PCDHA13: variants seen among roughly 807,000 people sequenced by gnomAD.
The protein encoded by PCDHA13 is protocadherin alpha 13.
Under a neutral mutation model 64.8 loss-of-function variants are expected in PCDHA13, and 54 were observed. The observed-to-expected ratio is 0.83, with a 90% CI of 0.67 to 1.04. The LOEUF is 1.04. Ranked by LOEUF, PCDHA13 falls within the 50% of genes least tolerant of loss-of-function variation. The pLI is 0.00. For synonymous variants in PCDHA13, 587 were observed against 564.4 expected, an observed-to-expected ratio of 1.04 and a Z score of -0.57; for missense variants, 1,248 against 1,254.3, an observed-to-expected ratio of 0.99 and a Z score of 0.08.
chr5:140,962,825 G>A (rs962485906), intron 1 of PCDHA13, among the ~76,000 whole-genome samples: 1 of 152,194 alleles, frequency 6.6e-6, no homozygotes, highest in Non-Finnish European at 1.5e-5. Flanking sequence ...ATGACCATTT[G>A]TCTCTTTTTT....
chr5:140,882,150 C>T lies in PCDHA13; in HGVS notation c.-119C>T. 2 of 1,501,768 alleles carry T rather than the reference C, an allele frequency of 1.3e-6. No individual in the cohort carries two copies. The highest frequency in any genetic ancestry group is 1.8e-6 in the Non-Finnish European group (2 of 1,123,674). The allele number at this position is 1,501,768 out of a possible 1,614,324, so 93.0% of individuals were successfully genotyped here. A position where few individuals can be genotyped will look rare whatever the true frequency, so the allele number is the denominator to read the frequency against. On this transcript the variant is annotated 5_prime_UTR_variant, in exon 1 of 4. Coordinates refer to ENST00000289272, the MANE Select transcript of PCDHA13 (RefSeq NM_018904.3). ...TTCCTGCAGAAAATATAGCAGAAAG[C>T]GGAATACCTCTTGCGAATCCTTCCG...
intron 1 of PCDHA13, among the ~76,000 whole-genome samples, chr5:140,946,209 T>C (rs2153672553): frequency 6.6e-6 from 1 of 152,022 alleles, no homozygotes; most frequent in East Asian, 1.9e-4. Flanking sequence ...AGCACACAAA[T>C]GACCAACAGG....
At chr5:140,894,457 T>C (rs2153447013) in intron 1 of PCDHA13, among the ~76,000 whole-genome samples, 1 of 152,166 alleles carries the variant, frequency 6.6e-6, no homozygotes, top group African/African-American at 2.4e-5. Flanking sequence ...AAAAAATATT[T>C]TACTTTTTAT....
intron 1 of PCDHA13, among the ~76,000 whole-genome samples, chr5:140,935,338 T>C (rs2090317634): frequency 1.3e-5 from 2 of 152,364 alleles, no homozygotes; most frequent in African/African-American, 4.8e-5. Context: ...ATTTCTCCCA[T>C]ACGTCAAATC....
intron 2 of PCDHA13, among the ~76,000 whole-genome samples, chr5:140,981,637 C>A (rs1229068909): frequency 6.6e-6 from 1 of 152,150 alleles, no homozygotes; most frequent in Non-Finnish European, 1.5e-5. Context: ...TGGACATTTT[C>A]TCTTAGGATC....
intron 1 of PCDHA13, among the ~76,000 whole-genome samples, chr5:140,961,023 A>G (rs1216128174): frequency 6.6e-6 from 1 of 152,146 alleles, no homozygotes. Flanking sequence ...GACACTTGCT[A>G]CCTCCTTGTT....
intron 1 of PCDHA13, among the ~76,000 whole-genome samples, chr5:140,909,491 A>T (rs1031839388): frequency 1.3e-5 from 2 of 152,218 alleles, no homozygotes; most frequent in Non-Finnish European, 2.9e-5. Flanking sequence ...GGAGAGCTGA[A>T]CGGGGATGTG....
intron 1 of PCDHA13, among the ~76,000 whole-genome samples, chr5:140,896,022 G>A (rs940712653): frequency 6.6e-6 from 1 of 152,136 alleles, no homozygotes; most frequent in East Asian, 1.9e-4. Context: ...TGTTGGCCAG[G>A]CTGGTCTCGA....
At chr5:140,918,428 T>C (rs2078691655) in intron 1 of PCDHA13, among the ~76,000 whole-genome samples, 1 of 152,194 alleles carries the variant, frequency 6.6e-6, no homozygotes, top group African/African-American at 2.4e-5. Context: ...AGTAGGATGT[T>C]GAATAGGAGT....
chr5:140,899,268 C>T (rs2067238736), intron 1 of PCDHA13, among the ~76,000 whole-genome samples: 1 of 152,078 alleles, frequency 6.6e-6, no homozygotes, highest in Non-Finnish European at 1.5e-5. Context: ...TGTCTTGTGG[C>T]AGTTTTCAAA....
At chr5:140,906,253 A>ACCTC (rs1329710908) in intron 1 of PCDHA13, among the ~76,000 whole-genome samples, 2 of 152,064 alleles carry the variant, frequency 1.3e-5, no homozygotes, top group African/African-American at 4.8e-5. Flanking sequence ...ACCCATACAC[A>ACCTC]CCTCCTGAAA....
rs183247098 is a variant in PCDHA13 at position 140,949,419 on chromosome 5, T to G, written c.2395-29530T>G. On this transcript the variant is annotated intron_variant, in intron 1 of 3. Coordinates refer to ENST00000289272, the MANE Select transcript of PCDHA13 (RefSeq NM_018904.3). ...TGTTAAAAATCACCTATCATCATTGTGTTTATCTCTTTGTGCCCATTTTTG... is the reference window on the plus strand; with the variant it reads ...TGTTAAAAATCACCTATCATCATTGGGTTTATCTCTTTGTGCCCATTTTTG... Among the ~76,000 whole-genome samples the G allele has an allele frequency of 2.5e-3, 382 of 151,992 alleles. 3 individuals are homozygous for G. The highest frequency in any genetic ancestry group is 0.018 in the South Asian group (86 of 4,828).
intron 1 of PCDHA13, among the ~76,000 whole-genome samples, chr5:140,964,670 G>A (rs2095847592): frequency 6.6e-6 from 1 of 151,912 alleles, no homozygotes; most frequent in Non-Finnish European, 1.5e-5. Context: ...CACAGGCCAG[G>A]TCCACAATTT....
chr5:140,967,903 A>G, intron 1 of PCDHA13: 1 of 1,614,112 alleles, frequency 6.2e-7, no homozygotes, highest in African/African-American at 1.3e-5. Context: ...AGAATGCTAC[A>G]CCCAACACCA....
intron 1 of PCDHA13, among the ~76,000 whole-genome samples, chr5:140,923,269 T>C (rs1554201320): frequency 6.6e-6 from 1 of 152,218 alleles, no homozygotes; most frequent in Non-Finnish European, 1.5e-5. Flanking sequence ...TGAGACCTTG[T>C]CTCTACAAAA....
intron 1 of PCDHA13, chr5:140,927,485 C>T: frequency 6.2e-7 from 1 of 1,614,098 alleles, no homozygotes; most frequent in Non-Finnish European, 8.5e-7. Context: ...CAGCGCGCCA[C>T]CCACCTGCTG....
chr5:140,927,674 A>T (rs201769803), intron 1 of PCDHA13: 1 of 1,614,182 alleles, frequency 6.2e-7, no homozygotes, highest in Non-Finnish European at 8.5e-7. Flanking sequence ...TTGGATCCAG[A>T]TGAAGGGTCC....
intron 1 of PCDHA13, among the ~76,000 whole-genome samples, chr5:140,914,408 T>C (rs917953173): frequency 6.6e-6 from 1 of 152,224 alleles, no homozygotes; most frequent in Non-Finnish European, 1.5e-5. Context: ...GCTCCTGTTT[T>C]GTTTCCATTA....
At chr5:141,006,372 C>T (rs781874533) in intron 3 of PCDHA13, among the ~76,000 whole-genome samples, 10 of 151,926 alleles carry the variant, frequency 6.6e-5, no homozygotes, top group Non-Finnish European at 1.0e-4. Context: ...CCACCACGCC[C>T]GGCTAAGTTT....
Sources: gnomAD v4.1 joint callset for allele counts (sites outside exome capture counted in the v4.1 genomes callset) on GRCh38, gnomAD v4.1.1 for gene constraint, MANE v1.5 for transcripts, NCBI Gene and HGNC (gene_info 2026-07-23, HGNC 2026-07-21) for gene names.